SH3RF2: variants seen among roughly 807,000 people sequenced by gnomAD.
The protein encoded by SH3RF2 is E3 ubiquitin-protein ligase SH3RF2.
SH3RF2 carries 43 observed loss-of-function variants against 59.0 expected under a neutral mutation model. The observed-to-expected ratio is 0.73, with a 90% CI of 0.57 to 0.94. The LOEUF is 0.94. Among genes scored for constraint, SH3RF2 ranks in the 40% least tolerant of loss-of-function variants. The probability of loss-of-function intolerance (pLI) is 0.00; values close to 1 mark genes in which losing one functional copy is unlikely to be tolerated. For synonymous variants in SH3RF2, 391 were observed against 391.5 expected (o/e 1.00, Z 0.01); for missense variants, 930 against 940.1 (o/e 0.99, Z 0.14).
At position 146,062,894 on chromosome 5, in the gene SH3RF2, C is replaced by A; in HGVS notation, c.*193C>A. On this transcript the variant is annotated 3_prime_UTR_variant, in exon 10 of 10. Coordinates refer to ENST00000359120, the MANE Select transcript of SH3RF2 (RefSeq NM_152550.4). Reference sequence around the variant, plus strand: ...TGGGAGGATAGATGGCGTGGCCTTCCAAACATACAAACATAATGATTTGAT... The same window carrying A: ...TGGGAGGATAGATGGCGTGGCCTTCAAAACATACAAACATAATGATTTGAT... 1 of 670,528 alleles carries A rather than the reference C, an allele frequency of 1.5e-6. No homozygotes were observed. The allele number at this position is 670,528 out of a possible 1,614,324, so 41.5% of individuals were successfully genotyped here.
chr5:146,028,528 C>T (rs955820253), intron 5 of SH3RF2, among the ~76,000 whole-genome samples: 1 of 152,212 alleles, frequency 6.6e-6, no homozygotes, highest in Admixed American at 6.5e-5. Flanking sequence ...ATTGTTGCGG[C>T]GGCCGCCCTG....
Position 146,014,145 on chromosome 5 carries a change from G to A in SH3RF2, c.1059+84G>A, listed in dbSNP as rs1761020709. 3.4e-6 allele frequency: 5 copies of A among 1,470,624 alleles called. No homozygotes were observed. In the South Asian group the frequency reaches 6.0e-5, roughly 18 times the overall value. 91.1% of individuals were successfully genotyped at this position (1,470,624 alleles called of 1,614,324 possible). On this transcript the variant is annotated intron_variant, in intron 5 of 9. Coordinates refer to ENST00000359120, the MANE Select transcript of SH3RF2 (RefSeq NM_152550.4). ...TGTCACAACCAATATTTGATGTTTA[G>A]TACTTGCTAAGCACCCAGAATGCCC...
In SH3RF2 at chr5:146,047,862, A is replaced by T. The variant is rs1235046650; in HGVS notation, c.1150A>T (p.Met384Leu). Residue 384 changes from methionine to leucine, a missense_variant and splice_region_variant, in exon 6 of 10, where the codon ATG (methionine) becomes TTG (leucine). Coordinates refer to ENST00000359120, the MANE Select transcript of SH3RF2 (RefSeq NM_152550.4). ...PGSQQHLSANMFVALHSYSAH... is the reference protein window; with the variant it reads ...PGSQQHLSANLFVALHSYSAH... ...CTCCCAGCAACACCTCTCAGCGAAC[A>T]TGTGAGTAAAAGGCTCATCCCTTCA... The T allele has an allele frequency of 1.2e-6, 2 of 1,613,956 alleles. No individual in the cohort carries two copies. The highest frequency in any genetic ancestry group is 3.3e-5 in the Admixed American group (2 of 60,026).
rs756825681 is a variant in SH3RF2 at position 145,938,207 on chromosome 5, G to A, written c.279G>A (p.Thr93=). The A allele has an allele frequency of 6.8e-6, 11 of 1,613,282 alleles. No homozygotes were observed. Among genetic ancestry groups the A allele is most frequent in the African/African-American group, 4.0e-5 (3 of 74,948 alleles). The change falls in exon 2 of 10, where the codon ACG becomes ACA. Residue 93 remains threonine (T), a synonymous_variant. Transcript: ENST00000359120. Reference sequence around the variant, plus strand: ...GGGGCTCCTTCCGCAGGCCTGGCACGATGACCTTGCAGGATGGCAGGAAAA... The same window carrying A: ...GGGGCTCCTTCCGCAGGCCTGGCACAATGACCTTGCAGGATGGCAGGAAAA... ...GRGGSFRRPG[T]MTLQDGRKSR... is the part of the protein sequence containing the mutation.
intron 4 of SH3RF2, among the ~76,000 whole-genome samples, chr5:146,004,514 A>G (rs1379336443): frequency 6.6e-6 from 1 of 152,238 alleles, no homozygotes; most frequent in East Asian, 1.9e-4. Flanking sequence ...ATATTCAAAA[A>G]TGTTCACCAT....
intron 5 of SH3RF2, among the ~76,000 whole-genome samples, chr5:146,042,245 C>T (rs1762151894): frequency 6.6e-6 from 1 of 152,190 alleles, no homozygotes; most frequent in Non-Finnish European, 1.5e-5. Flanking sequence ...CCATGCCCAC[C>T]ACATTCTTGG....
At chr5:145,999,918 C>A in intron 2 of SH3RF2, 140 bp from the exon 3 acceptor site, 1 of 907,618 alleles carries the variant, frequency 1.1e-6, no homozygotes, top group Non-Finnish European at 1.6e-6. Flanking sequence ...ACACAGGTTG[C>A]CATAAACCTT....
intron 4 of SH3RF2, among the ~76,000 whole-genome samples, chr5:146,005,204 G>C (rs1375540175): frequency 6.6e-6 from 1 of 151,872 alleles, no homozygotes; most frequent in African/African-American, 2.4e-5. Context: ...GCTATGTATA[G>C]CTCCAGTATA....
rs1168517787 is a variant in SH3RF2 at position 145,962,888 on chromosome 5, C to CTTTT, written c.378+24605_378+24608dup. On this transcript the variant is annotated intron_variant, in intron 2 of 9. Coordinates refer to ENST00000359120, the MANE Select transcript of SH3RF2 (RefSeq NM_152550.4). ...TAAGGGCAATCACTGTATTATTCCA[C>CTTTT]TTTTTTTTTTTTTTTTTTTTTTTTT... 1.3e-4 allele frequency among the ~76,000 whole-genome samples: 14 copies of CTTTT among 104,550 alleles called. 3 individuals carry two copies. Among genetic ancestry groups the CTTTT allele is most frequent in the African/African-American group, 5.5e-4 (12 of 21,800 alleles). The allele number at this position is 104,550 out of a possible 152,430, so 68.6% of individuals were successfully genotyped here. A position where few individuals can be genotyped will look rare whatever the true frequency, so the allele number is the denominator to read the frequency against.
intron 8 of SH3RF2, among the ~76,000 whole-genome samples, chr5:146,058,576 T>C (rs1040958984): frequency 2.0e-5 from 3 of 152,178 alleles, no homozygotes; most frequent in African/African-American, 7.2e-5. Context: ...GCTCAGACCC[T>C]CTGTGCTGGA....
intron 5 of SH3RF2, among the ~76,000 whole-genome samples, chr5:146,023,641 A>G (rs1245106096): frequency 3.3e-5 from 5 of 152,166 alleles, no homozygotes; most frequent in Non-Finnish European, 2.9e-5. Context: ...TAAGTGTACA[A>G]TTCAATGGCT....
chr5:145,953,524 T>A (rs1758272056), intron 2 of SH3RF2, among the ~76,000 whole-genome samples: 1 of 152,216 alleles, frequency 6.6e-6, no homozygotes, highest in Non-Finnish European at 1.5e-5. Flanking sequence ...CTTGCATTGC[T>A]ATAAATACCT....
At position 145,970,085 on chromosome 5, in the gene SH3RF2, G is replaced by T. The variant is rs866262652; in HGVS notation, c.379-29973G>T. On this transcript the variant is annotated intron_variant, in intron 2 of 9. Coordinates refer to ENST00000359120, the MANE Select transcript of SH3RF2 (RefSeq NM_152550.4). ...CCCTTTACTCATGTTAGCTTTACAT[G>T]TATTAACTCATTTAATCTTCACAGA... Among the ~76,000 whole-genome samples, 4 of 152,102 alleles carry T rather than the reference G, an allele frequency of 2.6e-5. No individual in the cohort carries two copies. In the Middle Eastern group the frequency reaches 0.01, roughly 388 times the overall value.
At chr5:145,972,594 T>C (rs955541569) in intron 2 of SH3RF2, among the ~76,000 whole-genome samples, 1 of 152,164 alleles carries the variant, frequency 6.6e-6, no homozygotes, top group African/African-American at 2.4e-5. Context: ...ATGGGCTAGA[T>C]GTGATATCTC....
Position 146,060,097 on chromosome 5 carries a change from C to T in SH3RF2, c.1787C>T (p.Ala596Val), listed in dbSNP as rs139582730. Residue 596 changes from alanine (A) to valine (V), a missense_variant, in exon 9 of 10, where the codon GCG (alanine) becomes GTG (valine). Ala to Val is a moderately conservative substitution (Grantham distance 64). Coordinates refer to ENST00000359120, the MANE Select transcript of SH3RF2 (RefSeq NM_152550.4). ...GGCAGTGAGGCCTGGATCCACTCCG[C>T]GGCCAGCTCCCTCATTATGGAAGAC... is the stretch of plus-strand genomic sequence containing the variant. Reference protein sequence around the residue: ...SRGSEAWIHSAASSLIMEDKE... With the variant: ...SRGSEAWIHSVASSLIMEDKE... 311 of 1,614,024 alleles carry T rather than the reference C, an allele frequency of 1.9e-4. No homozygotes were observed. The highest frequency in any genetic ancestry group is 2.4e-4 in the Non-Finnish European group (286 of 1,180,012).
rs146785172 is a variant in SH3RF2 at position 145,998,064 on chromosome 5, C to G, written c.379-1994C>G. 1,341 of 573,878 alleles carry G rather than the reference C, an allele frequency of 2.3e-3. 21 individuals carry two copies. The African/African-American group carries it at 0.024, about 10-fold the overall frequency. 35.5% of individuals were successfully genotyped at this position (573,878 alleles called of 1,614,324 possible). A position where few individuals can be genotyped will look rare whatever the true frequency, so the allele number is the denominator to read the frequency against. ...GAAAACTACAAGATGTATGAAGTTG[C>G]AAATAATGATGAAAAAAATCATGTA... On this transcript the variant is annotated intron_variant, in intron 2 of 9. Coordinates refer to ENST00000359120, the MANE Select transcript of SH3RF2 (RefSeq NM_152550.4).
At chr5:145,987,401 G>A (rs1233286365) in intron 2 of SH3RF2, among the ~76,000 whole-genome samples, 1 of 152,042 alleles carries the variant, frequency 6.6e-6, no homozygotes, top group Non-Finnish European at 1.5e-5. Flanking sequence ...CATCTTCATA[G>A]CTTAGCTCCC....
At chr5:146,034,346 G>C (rs1015527063) in intron 5 of SH3RF2, among the ~76,000 whole-genome samples, 1 of 152,188 alleles carries the variant, frequency 6.6e-6, no homozygotes, top group African/African-American at 2.4e-5. Context: ...AACCTCTCCA[G>C]GCACCACAGG....
At chr5:145,975,876 C>T (rs775120952) in intron 2 of SH3RF2, among the ~76,000 whole-genome samples, 9 of 152,180 alleles carry the variant, frequency 5.9e-5, no homozygotes, top group African/African-American at 9.7e-5. Flanking sequence ...GGCCCTGCCT[C>T]GTGGATTGTT....
Sources: allele counts gnomAD v4.1 joint callset (sites outside exome capture counted in the v4.1 genomes callset), GRCh38; gene constraint gnomAD v4.1.1; transcripts MANE v1.5; gene names NCBI Gene and HGNC (gene_info 2026-07-23, HGNC 2026-07-21).